The following CHN2 variants were observed in gnomAD, a reference collection of about 807,000 sequenced individuals.
CHN2 encodes the protein beta-chimaerin.
In CHN2, 35 loss-of-function variants were observed where a neutral mutation model predicts 56.3. The ratio of observed to expected loss-of-function variants is 0.62; its 90% CI spans 0.47 to 0.82. CHN2 has a LOEUF of 0.82. Ranked by LOEUF, CHN2 falls within the 40% of genes least tolerant of loss-of-function variation. The pLI, the probability that CHN2 is intolerant of heterozygous loss-of-function variation, is 0.00. For synonymous variants in CHN2, 210 were observed against 212.8 expected (o/e 0.99, Z 0.12); for missense variants, 491 against 580.5 (o/e 0.85, Z 1.58).
intron 2 of CHN2, among the ~76,000 whole-genome samples, chr7:29,165,226 G>A (rs1212803789): frequency 6.6e-6 from 1 of 151,094 alleles, no homozygotes; most frequent in African/African-American, 2.5e-5. Flanking sequence ...AATGTTTTAT[G>A]GTTTTTGATA....
At chr7:29,390,198 G>T (rs768574154) in intron 3 of CHN2, among the ~76,000 whole-genome samples, 1 of 152,112 alleles carries the variant, frequency 6.6e-6, no homozygotes, top group Admixed American at 6.5e-5. Flanking sequence ...GTAAAGAGAG[G>T]TGTTCCTTTT....
chr7:29,189,727 CAA>C (rs1283279634), intron 2 of CHN2, among the ~76,000 whole-genome samples: 3 of 152,124 alleles, frequency 2.0e-5, no homozygotes, highest in African/African-American at 4.8e-5. Flanking sequence ...TCTTTCCAGT[CAA>C]AGAGACTGCA....
At chr7:29,381,028 A>T (rs1277319425) in intron 3 of CHN2, among the ~76,000 whole-genome samples, 2 of 152,218 alleles carry the variant, frequency 1.3e-5, no homozygotes, top group Non-Finnish European at 2.9e-5. Context: ...AGAAAGGAAG[A>T]TGCATAATTG....
intron 9 of CHN2, 116 bp downstream of exon 9, chr7:29,500,156 C>T (rs1454352051): frequency 1.5e-6 from 1 of 673,258 alleles, no homozygotes; most frequent in East Asian, 2.9e-5. Context: ...ATGACCTACG[C>T]ATGTGTGCGC....
At chr7:29,469,950 G>A (rs1045008802) in intron 6 of CHN2, among the ~76,000 whole-genome samples, 5 of 152,158 alleles carry the variant, frequency 3.3e-5, no homozygotes, top group African/African-American at 1.2e-4. Flanking sequence ...GGGAGGGAGG[G>A]TAAGAGGGAG....
intron 12 of CHN2, among the ~76,000 whole-genome samples, chr7:29,512,292 A>ATAAGGAGGACTAATTTTC (rs1791561664): frequency 9.3e-6 from 1 of 107,894 alleles, no homozygotes; most frequent in African/African-American, 3.0e-5. Flanking sequence ...CATTTACTTA[A>ATAAGGAGGACTAATTTTC]TAAGGAGGAC....
At chr7:29,408,778 G>A (rs557892947) in intron 6 of CHN2, among the ~76,000 whole-genome samples, 3 of 152,068 alleles carry the variant, frequency 2.0e-5, no homozygotes, top group Non-Finnish European at 4.4e-5. Flanking sequence ...CCTCAATATC[G>A]GTGTTTTCAA....
At chr7:29,331,331 A>G (rs1796194553) in intron 1 of CHN2, among the ~76,000 whole-genome samples, 1 of 152,174 alleles carries the variant, frequency 6.6e-6, no homozygotes, top group African/African-American at 2.4e-5. Flanking sequence ...GTGGGAAGCC[A>G]TTCCCAACCC....
At chr7:29,211,209 T>G (rs1262769550) in intron 1 of CHN2, among the ~76,000 whole-genome samples, 1 of 151,472 alleles carries the variant, frequency 6.6e-6, no homozygotes, top group Admixed American at 6.6e-5. Flanking sequence ...GAGCTGGGAC[T>G]AAAGGCGCCT....
chr7:29,285,552 A>G (rs1792080445), intron 1 of CHN2, among the ~76,000 whole-genome samples: 1 of 152,180 alleles, frequency 6.6e-6, no homozygotes, highest in African/African-American at 2.4e-5. Flanking sequence ...GTTAGACCAC[A>G]TTTGCTTTTT....
At chr7:29,234,608 G>A (rs1437559859) in intron 1 of CHN2, among the ~76,000 whole-genome samples, 1 of 152,124 alleles carries the variant, frequency 6.6e-6, no homozygotes, top group Non-Finnish European at 1.5e-5. Flanking sequence ...AAGGCTTTGT[G>A]AATGCTCATC....
At chr7:29,356,468 T>C (rs1208244840) in intron 2 of CHN2, among the ~76,000 whole-genome samples, 1 of 152,208 alleles carries the variant, frequency 6.6e-6, no homozygotes, top group Non-Finnish European at 1.5e-5. Flanking sequence ...TCCAGTCCAC[T>C]CTCTCCTTTC....
At chr7:29,156,785 A>G (rs1197074379) in intron 2 of CHN2, among the ~76,000 whole-genome samples, 1 of 150,802 alleles carries the variant, frequency 6.6e-6, no homozygotes, top group Non-Finnish European at 1.5e-5. Flanking sequence ...GCATAGCTAA[A>G]GAAAAAGTCC....
At chr7:29,468,882 G>C (rs2128143291) in intron 6 of CHN2, among the ~76,000 whole-genome samples, 1 of 152,174 alleles carries the variant, frequency 6.6e-6, no homozygotes, top group East Asian at 1.9e-4. Context: ...ACCTAGTCCT[G>C]GGGTCTCTGC....
intron 4 of CHN2, among the ~76,000 whole-genome samples, chr7:29,395,923 A>G (rs1424932844): frequency 6.6e-6 from 1 of 152,224 alleles, no homozygotes; most frequent in Non-Finnish European, 1.5e-5. Context: ...TTTATTATAT[A>G]TTCCAAAATA....
rs1284536577 is a variant in CHN2, at chr7:29,315,481, G to T, written c.50-39144G>T. ...GATAAGAGATGACATTGCATTAGGA[G>T]GTTACAATAATAGGATCACCTTAAA... On this transcript the variant is annotated intron_variant, in intron 1 of 12. Coordinates refer to ENST00000222792, the MANE Select transcript of CHN2 (RefSeq NM_004067.4). Among the ~76,000 whole-genome samples the T allele has an allele frequency of 3.3e-5, 5 of 152,140 alleles. No homozygotes were observed. In the East Asian group the frequency reaches 9.6e-4, roughly 29 times the overall value.
intron 6 of CHN2, among the ~76,000 whole-genome samples, chr7:29,457,490 C>T (rs1784853075): frequency 6.6e-6 from 1 of 152,144 alleles, no homozygotes; most frequent in Non-Finnish European, 1.5e-5. Flanking sequence ...GTACCTGTCA[C>T]ACTCACTCAC....
chr7:29,184,650 A>T (rs1798486746), intron 2 of CHN2: 1 of 152,232 alleles, frequency 6.6e-6, no homozygotes, highest in African/African-American at 2.4e-5. Flanking sequence ...CCAGGCCTTC[A>T]ACTGATGTGA....
intron 3 of CHN2, among the ~76,000 whole-genome samples, chr7:29,374,674 A>ATGCC (rs1799887929): frequency 6.6e-6 from 1 of 152,236 alleles, no homozygotes; most frequent in African/African-American, 2.4e-5. Context: ...AACAGTACAT[A>ATGCC]TGCCAAGACA....
Sources: gnomAD v4.1 joint callset for allele counts (sites outside exome capture counted in the v4.1 genomes callset) on GRCh38, gnomAD v4.1.1 for gene constraint, MANE v1.5 for transcripts, NCBI Gene and HGNC (gene_info 2026-07-23, HGNC 2026-07-21) for gene names.